SLC25A21: variants seen among roughly 807,000 people sequenced by gnomAD.
The protein encoded by SLC25A21 is mitochondrial 2-oxodicarboxylate carrier.
A neutral mutation model predicts 43.8 loss-of-function variants in SLC25A21; 47 were observed. That is an observed-to-expected ratio of 1.07 (90% CI 0.85 to 1.37). SLC25A21 has a LOEUF of 1.37. SLC25A21 is among the 40% of genes most tolerant of loss of function. SLC25A21 has a pLI of 0.00. For synonymous variants in SLC25A21, 131 were observed against 121.3 expected, an observed-to-expected ratio of 1.08 and a Z score of -0.52; for missense variants, 352 against 350.2, an observed-to-expected ratio of 1.00 and a Z score of -0.04.
chr14:36,801,762 T>G (rs962788184), intron 3 of SLC25A21, among the ~76,000 whole-genome samples: 7 of 152,212 alleles, frequency 4.6e-5, no homozygotes, highest in African/African-American at 1.7e-4. Context: ...CTTATTTCAT[T>G]TTTTAATCGA....
At position 37,172,180 on chromosome 14, in the gene SLC25A21, A is replaced by T. The variant is rs1964143316; in HGVS notation, c.70+101T>A. The T allele has an allele frequency of 4.1e-6, 5 of 1,208,304 alleles. No homozygotes were observed. In the East Asian group the frequency reaches 1.0e-4, roughly 25 times the overall value. 74.8% of individuals were successfully genotyped at this position (1,208,304 alleles called of 1,614,324 possible). On this transcript the variant is annotated intron_variant, in intron 1 of 9. Transcript: ENST00000331299. The stretch of plus-strand genomic sequence containing the variant: ...CCGGGAGCGCTGAATTTTGAGGAAG[A>T]GGGCAGAACTTCAGTAAGGAGACCT...
At chr14:36,946,274 T>A (rs78979963) in intron 1 of SLC25A21, among the ~76,000 whole-genome samples, 5 of 152,180 alleles carry the variant, frequency 3.3e-5, no homozygotes, top group Admixed American at 2.0e-4. Flanking sequence ...GTCAAGGATC[T>A]CACAATCCAT....
chr14:37,083,855 G>A (rs986502436), intron 1 of SLC25A21, among the ~76,000 whole-genome samples: 2 of 152,018 alleles, frequency 1.3e-5, no homozygotes, highest in African/African-American at 4.8e-5. Flanking sequence ...CATACTACTC[G>A]GTCTCCCTAA....
At chr14:36,898,104 T>C (rs928990916) in intron 1 of SLC25A21, among the ~76,000 whole-genome samples, 5 of 152,172 alleles carry the variant, frequency 3.3e-5, no homozygotes, top group Admixed American at 2.0e-4. Flanking sequence ...TCTGCTGCAT[T>C]TTGTTTCACT....
chr14:36,953,898 A>G (rs1248601476), intron 1 of SLC25A21, among the ~76,000 whole-genome samples: 1 of 152,204 alleles, frequency 6.6e-6, no homozygotes, highest in Non-Finnish European at 1.5e-5. Context: ...GACACTCTGA[A>G]GGGAAAAAAA....
At chr14:37,170,148 G>A (rs1407612458) in intron 1 of SLC25A21, among the ~76,000 whole-genome samples, 1 of 151,928 alleles carries the variant, frequency 6.6e-6, no homozygotes, top group Non-Finnish European at 1.5e-5. Context: ...CGATTCTCCT[G>A]CCTCAGCCTC....
intron 3 of SLC25A21, among the ~76,000 whole-genome samples, chr14:36,797,944 T>C (rs984805237): frequency 3.3e-5 from 5 of 152,210 alleles, no homozygotes; most frequent in African/African-American, 1.2e-4. Flanking sequence ...ACCTTTGCTG[T>C]CAAAGAATTG....
At chr14:36,885,843 C>T (rs532062705) in intron 1 of SLC25A21, among the ~76,000 whole-genome samples, 14 of 152,238 alleles carry the variant, frequency 9.2e-5, no homozygotes, top group African/African-American at 3.4e-4. Flanking sequence ...CAAGTGAAAC[C>T]TGTTTTCTTT....
chr14:36,846,415 CTT>C (rs1158172817), intron 2 of SLC25A21, among the ~76,000 whole-genome samples: 2 of 151,968 alleles, frequency 1.3e-5, no homozygotes, highest in East Asian at 1.9e-4. Context: ...CAGTTTTGCT[CTT>C]GTCGCCCAGG....
intron 2 of SLC25A21, among the ~76,000 whole-genome samples, chr14:36,869,242 T>C (rs797011202): frequency 4.6e-5 from 7 of 152,324 alleles, no homozygotes; most frequent in African/African-American, 1.4e-4. Flanking sequence ...ATTCCTTGCA[T>C]TGACTTTGCA....
At chr14:36,891,327 A>T (rs760072470) in intron 1 of SLC25A21, among the ~76,000 whole-genome samples, 4 of 152,166 alleles carry the variant, frequency 2.6e-5, no homozygotes, top group Non-Finnish European at 5.9e-5. Flanking sequence ...GTAAATTAAC[A>T]TTTATCTATT....
At position 37,081,053 on chromosome 14, in the gene SLC25A21, G is replaced by C. The variant is rs537370248; in HGVS notation, c.70+91228C>G. 1.2e-3 allele frequency among the ~76,000 whole-genome samples: 190 copies of C among 152,266 alleles called. 2 individuals carry two copies. Among genetic ancestry groups the C allele is most frequent in the Non-Finnish European group, 2.2e-3 (147 of 68,020 alleles). On this transcript the variant is annotated intron_variant, in intron 1 of 9. Coordinates refer to ENST00000331299, the MANE Select transcript of SLC25A21 (RefSeq NM_030631.4). ...ATAGTCAAGATGCTATTAATCTGGA[G>C]AAATATTCTACCCATCCCCTGAATC... is the stretch of plus-strand genomic sequence containing the variant.
chr14:36,810,654 T>C (rs1888207341), intron 3 of SLC25A21, among the ~76,000 whole-genome samples: 2 of 152,168 alleles, frequency 1.3e-5, no homozygotes, highest in Non-Finnish European at 1.5e-5. Flanking sequence ...ATCATCTCTG[T>C]TTCATTTTGC....
intron 1 of SLC25A21, among the ~76,000 whole-genome samples, chr14:36,923,662 T>C (rs1892042193): frequency 6.6e-6 from 1 of 152,132 alleles, no homozygotes; most frequent in East Asian, 1.9e-4. Flanking sequence ...AAGGATGGGA[T>C]GTGAAAAATG....
At chr14:36,898,798 G>C (rs548135265) in intron 1 of SLC25A21, among the ~76,000 whole-genome samples, 1 of 152,110 alleles carries the variant, frequency 6.6e-6, no homozygotes, top group Non-Finnish European at 1.5e-5. Flanking sequence ...GGGAGATGTT[G>C]ATCAAAGGAT....
chr14:36,717,126 G>A (rs914076261), intron 6 of SLC25A21, among the ~76,000 whole-genome samples: 1 of 152,084 alleles, frequency 6.6e-6, no homozygotes, highest in Non-Finnish European at 1.5e-5. Flanking sequence ...TGTTCTTCAG[G>A]AAATGAAAAT....
Position 36,678,482 on chromosome 14 carries a change from A to G in SLC25A21, c.*2176T>C. 6.5e-7 allele frequency: 1 copy of G among 1,536,772 alleles called. No homozygotes were observed. The highest frequency in any genetic ancestry group is 8.7e-7 in the Non-Finnish European group (1 of 1,146,520). ...ACTTCCATTGACATCTGGAGTTCCCAGTCTGGTGAGAAAATAGACTATAAA... is the reference window on the plus strand; with the variant it reads ...ACTTCCATTGACATCTGGAGTTCCCGGTCTGGTGAGAAAATAGACTATAAA... On this transcript the variant is annotated 3_prime_UTR_variant, in exon 10 of 10. Coordinates refer to ENST00000331299, the MANE Select transcript of SLC25A21 (RefSeq NM_030631.4).
At chr14:37,006,150 C>T (rs187362369) in intron 1 of SLC25A21, among the ~76,000 whole-genome samples, 103 of 152,138 alleles carry the variant, frequency 6.8e-4, no homozygotes, top group African/African-American at 2.3e-3. Context: ...GGCTCCAGCC[C>T]ACCAACAATT....
At chr14:37,077,721 A>C (rs1285513030) in intron 1 of SLC25A21, among the ~76,000 whole-genome samples, 1 of 152,208 alleles carries the variant, frequency 6.6e-6, no homozygotes, top group Admixed American at 6.5e-5. Flanking sequence ...ATACATGAGT[A>C]TGTTTGCGTG....
Sources: gnomAD v4.1 joint callset for allele counts (sites outside exome capture counted in the v4.1 genomes callset) on GRCh38, gnomAD v4.1.1 for gene constraint, MANE v1.5 for transcripts, NCBI Gene and HGNC (gene_info 2026-07-23, HGNC 2026-07-21) for gene names.